EML5: variants seen among roughly 807,000 people sequenced by gnomAD.
EML5 encodes echinoderm microtubule-associated protein-like 5.
EML5 carries 120 observed loss-of-function variants against 250.0 expected under a neutral mutation model. That is an observed-to-expected ratio of 0.48 (90% CI 0.41 to 0.56). EML5 has a LOEUF of 0.56. EML5 is among the 20% of genes least tolerant of loss of function. The probability of loss-of-function intolerance (pLI) is 0.00; values close to 1 mark genes in which losing one functional copy is unlikely to be tolerated. For synonymous variants in EML5, 771 were observed against 806.5 expected, an observed-to-expected ratio of 0.96 and a Z score of 0.75; for missense variants, 2,006 against 2,437.6, an observed-to-expected ratio of 0.82 and a Z score of 3.73.
At chr14:88,769,970 T>G (rs1566780909) in intron 1 of EML5, among the ~76,000 whole-genome samples, 1 of 151,848 alleles carries the variant, frequency 6.6e-6, no homozygotes, top group Non-Finnish European at 1.5e-5. Context: ...TGTGCAGTTT[T>G]TTTTTTTTTT....
At chr14:88,698,743 G>A (rs752009204) in intron 14 of EML5, among the ~76,000 whole-genome samples, 31 of 151,982 alleles carry the variant, frequency 2.0e-4, no homozygotes, top group Non-Finnish European at 4.1e-4. Flanking sequence ...TCCTTCTCTC[G>A]AGCAGTTACT....
At chr14:88,729,871 T>C (rs889496857) in intron 7 of EML5, among the ~76,000 whole-genome samples, 1 of 146,228 alleles carries the variant, frequency 6.8e-6, no homozygotes, top group African/African-American at 2.5e-5. Context: ...TTGTTTTTTG[T>C]TTTTTTTTTT....
At chr14:88,682,622 C>A (rs145707113) in intron 20 of EML5, among the ~76,000 whole-genome samples, 5 of 152,224 alleles carry the variant, frequency 3.3e-5, no homozygotes, top group Non-Finnish European at 4.4e-5. Flanking sequence ...CTCTCTCCCC[C>A]CAGCTCGCGG....
rs775772040 is a variant in EML5, at chr14:88,642,904, T to C, written c.4226A>G (p.Asn1409Ser). Residue 1409 changes from asparagine to serine, a missense_variant, in exon 31 of 44, where the codon AAT (asparagine) becomes AGT (serine). Coordinates refer to ENST00000554922, the MANE Select transcript of EML5 (RefSeq NM_183387.3). The stretch of plus-strand genomic sequence containing the variant: ...TCAGGGTTTCCTACCTGTAGCAACA[T>C]TGTGCAGAATTCCAACAGATGCAGT... Reference protein sequence around the residue: ...YHTASVGILHNVATGSQSFYQ... With the variant: ...YHTASVGILHSVATGSQSFYQ... 2.1e-5 allele frequency: 34 copies of C among 1,602,948 alleles called. No individual in the cohort carries two copies. The highest frequency in any genetic ancestry group is 2.7e-5 in the African/African-American group (2 of 74,268).
intron 14 of EML5, among the ~76,000 whole-genome samples, chr14:88,699,578 G>T (rs1267067098): frequency 2.6e-5 from 4 of 152,096 alleles, no homozygotes; most frequent in East Asian, 3.9e-4. Context: ...ACTAGTGAAT[G>T]GGAAAAATGG....
chr14:88,741,717 C>T (rs1209375810), intron 4 of EML5, among the ~76,000 whole-genome samples: 1 of 151,604 alleles, frequency 6.6e-6, no homozygotes, highest in Non-Finnish European at 1.5e-5. Flanking sequence ...GATCCCATCT[C>T]TAAAAAATAA....
In EML5 at chr14:88,740,520, T is replaced by C. The variant is rs1217069781; in HGVS notation, c.578A>G (p.Lys193Arg). 6.2e-7 allele frequency: 1 copy of C among 1,613,516 alleles called. No homozygotes were observed. Among genetic ancestry groups the C allele is most frequent in the African/African-American group, 1.3e-5 (1 of 74,912 alleles). Residue 193 changes from lysine (K) to arginine (R), a missense_variant, in exon 5 of 44, where the codon AAG becomes AGG. By Grantham distance (26) the Lys-to-Arg change is conservative. Around this residue, in one of 7 missense-constraint regions of EML5, gnomAD observed 1,375 missense variants for 1,590.3 expected, o/e 0.86. Coordinates refer to ENST00000554922, the MANE Select transcript of EML5 (RefSeq NM_183387.3). ...CAGTATTGTCTGAAGGTCACCCGTCTTACCAAAGACACCTCGTTTTGGGGT... is the reference window on the plus strand; with the variant it reads ...CAGTATTGTCTGAAGGTCACCCGTCCTACCAAAGACACCTCGTTTTGGGGT... ...ALTPKRGVFG[K>R]TGDLQTILCL...
intron 7 of EML5, 23 bp from the exon 8 acceptor site, chr14:88,726,701 T>TA: frequency 1.3e-6 from 2 of 1,500,504 alleles, no homozygotes; most frequent in Non-Finnish European, 1.8e-6. Flanking sequence ...ATTTAAAAAA[T>TA]AAAAAAGGTT....
intron 2 of EML5, among the ~76,000 whole-genome samples, chr14:88,751,648 T>C (rs905974811): frequency 2.0e-5 from 3 of 152,042 alleles, no homozygotes; most frequent in African/African-American, 7.2e-5. Flanking sequence ...TTAGCTGATA[T>C]GGAAGTTAAA....
At position 88,704,861 on chromosome 14, in the gene EML5, C is replaced by T. The variant is rs200608863; in HGVS notation, c.2050G>A (p.Gly684Ser). 52 of 1,608,390 alleles carry T rather than the reference C, an allele frequency of 3.2e-5. No homozygotes were observed. The highest frequency in any genetic ancestry group is 2.2e-5 in the East Asian group (1 of 44,754). The change falls in exon 13 of 44, where the codon GGT (glycine) becomes AGT (serine). Residue 684 changes from glycine to serine, a missense_variant and splice_region_variant. Transcript: ENST00000554922. Reference sequence around the variant, plus strand: ...AAATGAAAGATAGTTGTTTTATACCCGTGAACAAAGTGTAATCGAATACTA... The same window carrying T: ...AAATGAAAGATAGTTGTTTTATACCTGTGAACAAAGTGTAATCGAATACTA... ...GNSIRLHFVH[G>S]YRGYDCRSNL...
chr14:88,658,393 A>G lies in EML5; in HGVS notation c.3676-5T>C, dbSNP rs965955854. 4.4e-6 allele frequency: 7 copies of G among 1,578,644 alleles called. No individual in the cohort carries two copies. Among genetic ancestry groups the G allele is most frequent in the African/African-American group, 1.3e-5 (1 of 74,304 alleles). On this transcript the variant is annotated splice_polypyrimidine_tract_variant and splice_region_variant and intron_variant, in intron 25 of 43. Coordinates refer to ENST00000554922, the MANE Select transcript of EML5 (RefSeq NM_183387.3). Reference sequence around the variant, plus strand: ...CTTAAACTTTCCAAATTTCCCCTAAAGAGGAAGAAAATTCAAACAATCTTT... The same window carrying G: ...CTTAAACTTTCCAAATTTCCCCTAAGGAGGAAGAAAATTCAAACAATCTTT...
chr14:88,706,999 TTTTAAAAATCCA>T, intron 10 of EML5, among the ~76,000 whole-genome samples: 2 of 152,236 alleles, frequency 1.3e-5, no homozygotes, highest in African/African-American at 2.4e-5. Context: ...TTTATAATCA[TTTTAAAAATCCA>T]GATATTTAAA....
At chr14:88,617,629 A>T (rs902525561) in intron 41 of EML5, 3 of 152,180 alleles carry the variant, frequency 2.0e-5, no homozygotes, top group Non-Finnish European at 2.9e-5. Context: ...GACTTATGAC[A>T]TAGGAATTAA....
chr14:88,679,744 A>G (rs928892237), intron 21 of EML5, among the ~76,000 whole-genome samples: 8 of 152,248 alleles, frequency 5.3e-5, no homozygotes, highest in African/African-American at 1.7e-4. Flanking sequence ...CTACAAAAAA[A>G]AACTTTTTCA....
At chr14:88,701,728 A>G (rs1235945278) in intron 14 of EML5, among the ~76,000 whole-genome samples, 2 of 152,196 alleles carry the variant, frequency 1.3e-5, no homozygotes, top group African/African-American at 2.4e-5. Flanking sequence ...AGCCAGACAG[A>G]CTGAAGGCTT....
chr14:88,634,608 T>C (rs2090619352), intron 32 of EML5, 119 bp from the exon 33 acceptor site: 3 of 479,120 alleles, frequency 6.3e-6, no homozygotes, highest in Non-Finnish European at 1.1e-5. Flanking sequence ...TTACATTTGA[T>C]TGAGTAAACT....
At chr14:88,616,665 C>A (rs2140232905) in intron 42 of EML5, 61 bp downstream of exon 42, 3 of 1,441,822 alleles carry the variant, frequency 2.1e-6, no homozygotes, top group Middle Eastern at 2.0e-4. Context: ...GGGAAAAGTG[C>A]TGATGATAAG....
intron 1 of EML5, among the ~76,000 whole-genome samples, chr14:88,787,576 A>C (rs1222937256): frequency 6.6e-6 from 1 of 152,176 alleles, no homozygotes; most frequent in Non-Finnish European, 1.5e-5. Context: ...ATCTATTACA[A>C]CTTCAACTAT....
In EML5 at chr14:88,650,211, G is replaced by A. The variant is rs368243006; in HGVS notation, c.4005-285C>T. Among the ~76,000 whole-genome samples the A allele has an allele frequency of 2.0e-4, 30 of 152,186 alleles. No homozygotes were observed. The East Asian group carries it at 2.1e-3, about 11-fold the overall frequency. On this transcript the variant is annotated intron_variant, in intron 27 of 43. Transcript: ENST00000554922. ...CTCATGCCTGTAATCCCAGCACTTC[G>A]GGAGGCTGAGGTGGGTGAATCACTT... is the stretch of plus-strand genomic sequence containing the variant.
Sources: allele counts gnomAD v4.1 joint callset (sites outside exome capture counted in the v4.1 genomes callset), GRCh38; gene constraint gnomAD v4.1.1; regional missense constraint gnomAD v4.1.1; transcripts MANE v1.5; gene names NCBI Gene and HGNC (gene_info 2026-07-23, HGNC 2026-07-21).